The following KLF12 variants were observed in gnomAD, a reference collection of about 807,000 sequenced individuals.
KLF12 encodes KLF transcription factor 12, also known as Krueppel-like factor 12.
KLF12 carries 9 observed loss-of-function variants against 37.8 expected under a neutral mutation model. The observed-to-expected ratio is 0.24, with a 90% CI of 0.14 to 0.42. The LOEUF (loss-of-function observed/expected upper bound fraction) is 0.42, where lower values mean the gene tolerates loss of function less well. Among genes scored for constraint, KLF12 ranks in the 10% least tolerant of loss-of-function variants. The pLI is 1.00. For synonymous variants in KLF12, 208 were observed against 202.1 expected, an observed-to-expected ratio of 1.03 and a Z score of -0.25; for missense variants, 411 against 516.0, an observed-to-expected ratio of 0.80 and a Z score of 1.97.
intron 3 of KLF12, among the ~76,000 whole-genome samples, chr13:73,856,558 C>A (rs541714052): frequency 1.3e-5 from 2 of 152,226 alleles, no homozygotes; most frequent in South Asian, 4.1e-4. Flanking sequence ...AGCCACCCAC[C>A]TACTTGCACA....
At chr13:73,717,510 G>A (rs774824804) in intron 6 of KLF12, among the ~76,000 whole-genome samples, 13 of 152,134 alleles carry the variant, frequency 8.5e-5, no homozygotes, top group Admixed American at 5.9e-4. Flanking sequence ...TTCTGCACAC[G>A]TGTCTTCAGA....
At chr13:74,087,795 G>A (rs1875399419) in intron 1 of KLF12, among the ~76,000 whole-genome samples, 1 of 152,026 alleles carries the variant, frequency 6.6e-6, no homozygotes, top group African/African-American at 2.4e-5. Context: ...ACTATTATCT[G>A]TAATGTATAA....
chr13:74,303,680 T>C, the KLF12 span, among the ~76,000 whole-genome samples: 7 of 152,146 alleles, frequency 4.6e-5, no homozygotes, highest in Admixed American at 4.6e-4. Context: ...TAATAGATTT[T>C]CACCAACCAG....
chr13:73,954,037 GAC>G (rs1405022344), intron 2 of KLF12, among the ~76,000 whole-genome samples: 5 of 131,848 alleles, frequency 3.8e-5, no homozygotes, highest in Non-Finnish European at 7.7e-5. Flanking sequence ...AGAGTGCAGT[GAC>G]GTGATCTCGG....
intron 5 of KLF12, among the ~76,000 whole-genome samples, chr13:73,812,448 A>G (rs1652900923): frequency 6.6e-6 from 1 of 152,058 alleles, no homozygotes; most frequent in East Asian, 1.9e-4. Flanking sequence ...TAAACATTTC[A>G]CTATGTACAT....
At chr13:74,081,135 A>C (rs938815316) in intron 1 of KLF12, among the ~76,000 whole-genome samples, 1 of 152,226 alleles carries the variant, frequency 6.6e-6, no homozygotes, top group Admixed American at 6.5e-5. Flanking sequence ...GTGTAGTAAA[A>C]GAGGCAAATA....
chr13:74,165,474 CT>C, the KLF12 span, among the ~76,000 whole-genome samples: 2 of 151,498 alleles, frequency 1.3e-5, no homozygotes, highest in African/African-American at 2.4e-5. Flanking sequence ...AATTTTTGTA[CT>C]TTTAGTAGAG....
chr13:73,935,623 C>T (rs1215577836), intron 3 of KLF12, among the ~76,000 whole-genome samples: 1 of 152,010 alleles, frequency 6.6e-6, no homozygotes, highest in Non-Finnish European at 1.5e-5. Context: ...TGCTTTCTGC[C>T]ATGATTTATT....
Position 73,922,962 on chromosome 13 carries a change from C to T in KLF12, c.123+21019G>A, listed in dbSNP as rs1049250848. Among the ~76,000 whole-genome samples the T allele has an allele frequency of 2.0e-5, 3 of 152,274 alleles. No homozygotes were observed. In the East Asian group the frequency reaches 5.8e-4, roughly 29 times the overall value. ...GCAGCCCTGCCATCAGACCTTCCGC[C>T]ACAAATTCGAAATCCAGCATCTCAG... On this transcript the variant is annotated intron_variant, in intron 3 of 7. Transcript: ENST00000377669.
At chr13:74,039,321 T>G (rs1893342132) in intron 1 of KLF12, among the ~76,000 whole-genome samples, 1 of 152,114 alleles carries the variant, frequency 6.6e-6, no homozygotes, top group African/African-American at 2.4e-5. Flanking sequence ...GGAGGAGTGC[T>G]TGAGTTCAGT....
intron 1 of KLF12, among the ~76,000 whole-genome samples, chr13:74,103,949 T>C (rs1353347389): frequency 2.0e-5 from 3 of 152,214 alleles, no homozygotes; most frequent in Non-Finnish European, 4.4e-5. Context: ...GATATTGTAA[T>C]AGATCCTGAA....
Position 74,021,383 on chromosome 13 carries a change from G to A in KLF12, c.-31-26330C>T, listed in dbSNP as rs541492522. ...GTAAGGGTCCTGGAAGTTGGCAGTT[G>A]ATTGTAATTCCATGTTTTTGAGAAA... is the stretch of plus-strand genomic sequence containing the variant. On this transcript the variant is annotated intron_variant, in intron 1 of 7. Transcript: ENST00000377669. Among the ~76,000 whole-genome samples, 103 of 152,244 alleles carry A rather than the reference G, an allele frequency of 6.8e-4. 4 individuals are homozygous for A. In the South Asian group the frequency reaches 0.017, roughly 25 times the overall value.
chr13:73,963,735 T>C (rs1401960234), intron 2 of KLF12, among the ~76,000 whole-genome samples: 1 of 152,188 alleles, frequency 6.6e-6, no homozygotes, highest in Non-Finnish European at 1.5e-5. Flanking sequence ...AATCTTAATA[T>C]TTTGACATAG....
chr13:73,697,088 AACACACAC>A (rs10679066), intron 7 of KLF12, among the ~76,000 whole-genome samples: 9 of 149,548 alleles, frequency 6.0e-5, no homozygotes, highest in Non-Finnish European at 1.2e-4. Context: ...ATACAACTGC[AACACACAC>A]ACACACACAC....
intron 5 of KLF12, among the ~76,000 whole-genome samples, chr13:73,792,499 A>T (rs1881746100): frequency 6.6e-6 from 1 of 152,156 alleles, no homozygotes; most frequent in Admixed American, 6.5e-5. Flanking sequence ...TTAGCAGGCC[A>T]TTTTGCAGTC....
At chr13:74,218,646 G>A in the KLF12 span, among the ~76,000 whole-genome samples, 1 of 152,012 alleles carries the variant, frequency 6.6e-6, no homozygotes, top group Non-Finnish European at 1.5e-5. Flanking sequence ...GAGTCATTTT[G>A]TTTTCTGTGC....
At chr13:73,700,859 T>A (rs535455770) in intron 7 of KLF12, among the ~76,000 whole-genome samples, 1 of 152,340 alleles carries the variant, frequency 6.6e-6, no homozygotes, top group South Asian at 2.1e-4. Flanking sequence ...ACACTGTATC[T>A]TATGTTTGTG....
chr13:74,208,286 A>G, the KLF12 span, among the ~76,000 whole-genome samples: 1 of 152,152 alleles, frequency 6.6e-6, no homozygotes, highest in Non-Finnish European at 1.5e-5. Context: ...TCAATAAGGA[A>G]CTGACTTTCA....
intron 3 of KLF12, among the ~76,000 whole-genome samples, chr13:73,869,931 C>A (rs1443726967): frequency 1.3e-5 from 2 of 152,150 alleles, no homozygotes; most frequent in Non-Finnish European, 2.9e-5. Flanking sequence ...CTGAGTAGAG[C>A]CACGCTGATT....
Sources: gnomAD v4.1 joint callset for allele counts (sites outside exome capture counted in the v4.1 genomes callset) on GRCh38, gnomAD v4.1.1 for gene constraint, MANE v1.5 for transcripts, NCBI Gene and HGNC (gene_info 2026-07-23, HGNC 2026-07-21) for gene names.